Variants in CSGALNACT2 observed in about 807,000 individuals in gnomAD.
The protein encoded by CSGALNACT2 is chondroitin sulfate N-acetylgalactosaminyltransferase 2.
A neutral mutation model predicts 55.3 loss-of-function variants in CSGALNACT2; 35 were observed. That is an observed-to-expected ratio of 0.63 (90% CI 0.48 to 0.84). The LOEUF (loss-of-function observed/expected upper bound fraction) is 0.84, where lower values mean the gene tolerates loss of function less well. Among genes scored for constraint, CSGALNACT2 ranks in the 40% least tolerant of loss-of-function variants. The pLI, the probability that CSGALNACT2 is intolerant of heterozygous loss-of-function variation, is 0.00. For missense variants in CSGALNACT2, 544 were observed against 657.5 expected, an observed-to-expected ratio of 0.83 and a Z score of 1.89; for synonymous variants, 196 against 224.9, an observed-to-expected ratio of 0.87 and a Z score of 1.15.
chr10:43,150,700 C>T (rs1331492298), intron 1 of CSGALNACT2, among the ~76,000 whole-genome samples: 1 of 152,024 alleles, frequency 6.6e-6, no homozygotes, highest in East Asian at 1.9e-4. Context: ...CTATAATTTT[C>T]TTTATGGCTA....
chr10:43,175,842 A>C, intron 6 of CSGALNACT2, 109 bp from the exon 7 acceptor site: 1 of 936,652 alleles, frequency 1.1e-6, no homozygotes. Flanking sequence ...TCAGTCACAT[A>C]AATGACAGGA....
chr10:43,142,475 T>G (rs1207266770), intron 1 of CSGALNACT2, among the ~76,000 whole-genome samples: 1 of 152,206 alleles, frequency 6.6e-6, no homozygotes, highest in African/African-American at 2.4e-5. Context: ...GTGCTGGGAT[T>G]ACACGCATGA....
In CSGALNACT2 at chr10:43,160,615, A is replaced by T. The variant is rs991624824; in HGVS notation, c.980+20A>T. On this transcript the variant is annotated intron_variant, in intron 4 of 7. Coordinates refer to ENST00000374466, the MANE Select transcript of CSGALNACT2 (RefSeq NM_018590.5). ...CACCAGGTTGGTGAACCACATCTGC[A>T]GTGAAGGCCTTGATATATAACATTG... 5 of 1,008,612 alleles carry T rather than the reference A, an allele frequency of 5.0e-6. No homozygotes were observed. The highest frequency in any genetic ancestry group is 7.9e-6 in the Non-Finnish European group (5 of 629,108). The allele number at this position is 1,008,612 out of a possible 1,614,324, so 62.5% of individuals were successfully genotyped here. A position where few individuals can be genotyped will look rare whatever the true frequency, so the allele number is the denominator to read the frequency against.
chr10:43,161,628 G>T (rs972286480), intron 4 of CSGALNACT2, among the ~76,000 whole-genome samples: 1 of 152,106 alleles, frequency 6.6e-6, no homozygotes, highest in Non-Finnish European at 1.5e-5. Flanking sequence ...TCAGAGCCTT[G>T]ATGTATATAG....
chr10:43,180,383 A>C (rs1456831145), intron 7 of CSGALNACT2, among the ~76,000 whole-genome samples: 1 of 152,160 alleles, frequency 6.6e-6, no homozygotes, highest in Non-Finnish European at 1.5e-5. Context: ...TTCTTAAGCT[A>C]AGTCCGGTCT....
At chr10:43,140,648 A>G (rs941576564) in intron 1 of CSGALNACT2, among the ~76,000 whole-genome samples, 2 of 152,212 alleles carry the variant, frequency 1.3e-5, no homozygotes, top group Admixed American at 6.5e-5. Flanking sequence ...TTTTTAGAGG[A>G]AATGAAATAC....
At chr10:43,149,577 T>C (rs1455467043) in intron 1 of CSGALNACT2, among the ~76,000 whole-genome samples, 1 of 152,206 alleles carries the variant, frequency 6.6e-6, no homozygotes, top group African/African-American at 2.4e-5. Context: ...ATTCCTCTTA[T>C]ATATTGCTGG....
Position 43,145,174 on chromosome 10 carries a change from G to A in CSGALNACT2, c.-254+6607G>A, listed in dbSNP as rs574016216. Among the ~76,000 whole-genome samples the A allele has an allele frequency of 6.6e-5, 10 of 152,240 alleles. No homozygotes were observed. The East Asian group carries it at 9.6e-4, about 15-fold the overall frequency. The stretch of plus-strand genomic sequence containing the variant: ...GCAGAATAAAATTTTAAAGAGTTTT[G>A]TCTGAGCAAACAGCAATTCATGAAT... On this transcript the variant is annotated intron_variant, in intron 1 of 7. Transcript: ENST00000374466.
Position 43,155,259 on chromosome 10 carries a change from A to G in CSGALNACT2, c.110A>G (p.Gln37Arg). The G allele has an allele frequency of 6.2e-7, 1 of 1,614,146 alleles. No homozygotes were observed. The highest frequency in any genetic ancestry group is 8.5e-7 in the Non-Finnish European group (1 of 1,180,008). Residue 37 changes from glutamine to arginine, a missense_variant, in exon 2 of 8, where the codon CAG (glutamine) becomes CGG (arginine). Around this residue, in one of 2 missense-constraint regions of CSGALNACT2, gnomAD observed 374 missense variants for 401.3 expected, o/e 0.93. Transcript: ENST00000374466. ...ATGTACCTCCTGGAATGTGCCCCCC[A>G]GACTGATGGAAATGCATCTCTTCCT... ...LFMYLLECAP[Q>R]TDGNASLPGV... is the part of the protein sequence containing the mutation.
At chr10:43,162,065 T>TA in intron 4 of CSGALNACT2, 1 of 489,750 alleles carries the variant, frequency 2.0e-6, no homozygotes, top group East Asian at 5.5e-5. Flanking sequence ...AAGGGATTGT[T>TA]ACAACCAAAT....
rs1290424472 is a variant in CSGALNACT2 at position 43,185,138 on chromosome 10, G to A, written c.*1596G>A. The A allele has an allele frequency of 2.0e-5, 3 of 152,062 alleles. No individual in the cohort carries two copies. Among genetic ancestry groups the A allele is most frequent in the Non-Finnish European group, 2.9e-5 (2 of 68,008 alleles). 9.4% of individuals were successfully genotyped at this position (152,062 alleles called of 1,614,324 possible). On this transcript the variant is annotated 3_prime_UTR_variant, in exon 8 of 8. Transcript: ENST00000374466. Reference sequence around the variant, plus strand: ...TGAGAGAACTTAATTATTTGCAAAGGTAAGTTACAGCTTGTTTTTTGAGAG... The same window carrying A: ...TGAGAGAACTTAATTATTTGCAAAGATAAGTTACAGCTTGTTTTTTGAGAG...
At chr10:43,174,259 G>A (rs973444622) in intron 6 of CSGALNACT2, among the ~76,000 whole-genome samples, 2 of 151,826 alleles carry the variant, frequency 1.3e-5, no homozygotes, top group Non-Finnish European at 2.9e-5. Flanking sequence ...GCTCCAATCT[G>A]AGCTGAGCCC....
chr10:43,170,106 A>G (rs1033375004), intron 6 of CSGALNACT2, among the ~76,000 whole-genome samples: 2 of 152,246 alleles, frequency 1.3e-5, no homozygotes, highest in African/African-American at 2.4e-5. Context: ...TTGTTGATGT[A>G]ATAGTGTAAA....
intron 1 of CSGALNACT2, among the ~76,000 whole-genome samples, chr10:43,140,764 T>C (rs1233023611): frequency 6.6e-6 from 1 of 152,244 alleles, no homozygotes; most frequent in Non-Finnish European, 1.5e-5. Context: ...AGTGTAAAAT[T>C]GAATTATAGG....
intron 1 of CSGALNACT2, among the ~76,000 whole-genome samples, chr10:43,149,462 A>G (rs1433340158): frequency 6.6e-6 from 1 of 152,174 alleles, no homozygotes; most frequent in Non-Finnish European, 1.5e-5. Context: ...GAGATGATCA[A>G]GTGAATTTTG....
intron 2 of CSGALNACT2, among the ~76,000 whole-genome samples, chr10:43,157,079 T>C (rs1213196697): frequency 6.6e-6 from 1 of 152,252 alleles, no homozygotes; most frequent in Non-Finnish European, 1.5e-5. Flanking sequence ...TTTTCTGCTG[T>C]CACTTCCTGC....
At chr10:43,141,489 A>G (rs952677207) in intron 1 of CSGALNACT2, among the ~76,000 whole-genome samples, 2 of 151,732 alleles carry the variant, frequency 1.3e-5, no homozygotes, top group African/African-American at 4.8e-5. Context: ...TGTTGGGATT[A>G]CAGGCGTGAG....
Position 43,183,776 on chromosome 10 carries a change from A to T in CSGALNACT2, c.*234A>T. ...GGAATAATTGACAAATTGAAATCTC[A>T]TATTTGTCCCAAAAGTTGTTTTGAG... On this transcript the variant is annotated 3_prime_UTR_variant, in exon 8 of 8. Coordinates refer to ENST00000374466, the MANE Select transcript of CSGALNACT2 (RefSeq NM_018590.5). 1 of 532,510 alleles carries T rather than the reference A, an allele frequency of 1.9e-6. No homozygotes were observed. The highest frequency in any genetic ancestry group is 3.4e-6 in the Non-Finnish European group (1 of 297,208). 33.0% of individuals were successfully genotyped at this position (532,510 alleles called of 1,614,324 possible). A position where few individuals can be genotyped will look rare whatever the true frequency, so the allele number is the denominator to read the frequency against.
At chr10:43,159,034 A>G (rs1839085893) in intron 3 of CSGALNACT2, 103 bp downstream of exon 3, 1 of 678,396 alleles carries the variant, frequency 1.5e-6, no homozygotes, top group African/African-American at 1.8e-5. Context: ...TACTTAGAAT[A>G]ATTTTACAGG....
Sources: gnomAD v4.1 joint callset for allele counts (sites outside exome capture counted in the v4.1 genomes callset) on GRCh38, gnomAD v4.1.1 for gene constraint, gnomAD v4.1.1 regional missense constraint, MANE v1.5 for transcripts, NCBI Gene and HGNC (gene_info 2026-07-23, HGNC 2026-07-21) for gene names.